HERC2: variants seen among roughly 807,000 people sequenced by gnomAD.
The protein encoded by HERC2 is HECT and RLD domain containing E3 ubiquitin protein ligase 2, also known as E3 ubiquitin-protein ligase HERC2.
Under a neutral mutation model 537.7 loss-of-function variants are expected in HERC2, and 102 were observed. The ratio of observed to expected loss-of-function variants is 0.19; its 90% CI spans 0.16 to 0.22. HERC2 has a LOEUF of 0.22. HERC2 is among the 10% of genes least tolerant of loss of function. The probability of loss-of-function intolerance (pLI) is 1.00; values close to 1 mark genes in which losing one functional copy is unlikely to be tolerated. For synonymous variants in HERC2, 2,224 were observed against 2,466.2 expected (o/e 0.90, Z 2.91); for missense variants, 4,236 against 6,198.2 (o/e 0.68, Z 10.63).
intron 37 of HERC2, among the ~76,000 whole-genome samples, chr15:28,219,039 C>T (rs1346693457): frequency 6.6e-6 from 1 of 152,220 alleles, no homozygotes; most frequent in African/African-American, 2.4e-5. Context: ...AACGTGCACC[C>T]TGATCATTTT....
intron 44 of HERC2, among the ~76,000 whole-genome samples, chr15:28,210,049 G>GC (rs1218350197): frequency 3.9e-5 from 5 of 128,588 alleles, no homozygotes; most frequent in Non-Finnish European, 7.8e-5. Context: ...TGCAACCTCC[G>GC]CCCCCCGGTT....
At chr15:28,144,636 G>C (rs372548775) in intron 72 of HERC2, 37 bp downstream of exon 72, 2 of 1,613,690 alleles carry the variant, frequency 1.2e-6, no homozygotes, top group African/African-American at 2.7e-5. Context: ...TCCACAGCCA[G>C]TCATCTAACC....
intron 86 of HERC2, among the ~76,000 whole-genome samples, chr15:28,119,246 A>C (rs12913692): frequency 0.85 from 128,927 of 151,616 alleles, 58,201 homozygotes; most frequent in Non-Finnish European, 0.99. Flanking sequence ...ATACAAAAAA[A>C]AAAATTAGCC....
chr15:28,116,804 A>G lies in HERC2; in HGVS notation c.13470T>C (p.Cys4490=). 1.9e-6 allele frequency: 3 copies of G among 1,613,776 alleles called. No individual in the cohort carries two copies. The highest frequency in any genetic ancestry group is 2.5e-6 in the Non-Finnish European group (3 of 1,179,978). The stretch of plus-strand genomic sequence containing the variant: ...GCGTGAGTCCGTTCTGCAGCTCCTC[A>G]CAGATCTCAGCTATGGACTCGCTGT... ...GGYSESIAEI[C]EELQNGLTPL... is the part of the protein sequence containing the mutation. Residue 4490 remains cysteine (C), a synonymous_variant, in exon 88 of 93, where the codon TGT becomes TGC. Coordinates refer to ENST00000261609, the MANE Select transcript of HERC2 (RefSeq NM_004667.6).
At chr15:28,229,056 C>T in intron 34 of HERC2, 139 bp downstream of exon 34, 3 of 823,976 alleles carry the variant, frequency 3.6e-6, no homozygotes, top group Non-Finnish European at 6.2e-6. Flanking sequence ...AGAAAGCTGA[C>T]AGCAGCATAG....
At chr15:28,310,801 C>T (rs375197756) in intron 2 of HERC2, among the ~76,000 whole-genome samples, 7 of 151,770 alleles carry the variant, frequency 4.6e-5, no homozygotes, top group African/African-American at 7.3e-5. Context: ...TTACTGGCCA[C>T]GCACGGTGGC....
chr15:28,257,278 CA>C lies in HERC2; in HGVS notation c.2317-18del, dbSNP rs771538346. ...AGCAAAGCTCTAAGAGGAAACGCAACAATCTAAAATGAATCTCCAAATGCAG... is the reference window on the plus strand; with the variant it reads ...AGCAAAGCTCTAAGAGGAAACGCAACATCTAAAATGAATCTCCAAATGCAG... On this transcript the variant is annotated intron_variant, in intron 16 of 92. Transcript: ENST00000261609. 3.1e-6 allele frequency: 5 copies of C among 1,609,658 alleles called. No individual in the cohort carries two copies. The East Asian group carries it at 1.1e-4, about 36-fold the overall frequency.
intron 4 of HERC2, among the ~76,000 whole-genome samples, chr15:28,290,046 T>G (rs1457820496): frequency 6.6e-6 from 1 of 152,186 alleles, no homozygotes; most frequent in African/African-American, 2.4e-5. Flanking sequence ...TTGCACAGAC[T>G]CTCCCACATC....
At chr15:28,116,525 C>T (rs1888273765) in intron 88 of HERC2, 140 bp downstream of exon 88, 1 of 945,980 alleles carries the variant, frequency 1.1e-6, no homozygotes, top group African/African-American at 1.6e-5. Context: ...CCCTAAAAGT[C>T]ATTTTTATTG....
At chr15:28,158,370 G>A (rs1020613376) in intron 69 of HERC2, among the ~76,000 whole-genome samples, 4 of 152,082 alleles carry the variant, frequency 2.6e-5, no homozygotes, top group African/African-American at 7.2e-5. Flanking sequence ...TGTGGGAGTC[G>A]AAGTCTCTTT....
At chr15:28,192,679 C>T (rs1335878489) in intron 52 of HERC2, among the ~76,000 whole-genome samples, 2 of 152,222 alleles carry the variant, frequency 1.3e-5, no homozygotes, top group East Asian at 1.9e-4. Flanking sequence ...AGACCCGAGG[C>T]GAATGGAGGT....
intron 71 of HERC2, among the ~76,000 whole-genome samples, chr15:28,145,947 T>G (rs2142279667): frequency 6.6e-6 from 1 of 152,284 alleles, no homozygotes. Context: ...AACCATGACC[T>G]TACACGAGCT....
intron 44 of HERC2, among the ~76,000 whole-genome samples, chr15:28,210,194 C>T (rs1390883540): frequency 6.6e-6 from 1 of 151,874 alleles, no homozygotes; most frequent in Non-Finnish European, 1.5e-5. Context: ...AGTGCAGTGG[C>T]GCCATCTCGG....
chr15:28,282,481 CAAAA>C (rs1366242352), intron 4 of HERC2, among the ~76,000 whole-genome samples: 2 of 150,984 alleles, frequency 1.3e-5, no homozygotes, highest in Non-Finnish European at 3.0e-5. Flanking sequence ...AAAAGGAAGA[CAAAA>C]AAAAGAAACC....
Position 28,265,943 on chromosome 15 carries a change from A to G in HERC2, c.1630T>C (p.Phe544Leu), listed in dbSNP as rs2075555309. The G allele has an allele frequency of 6.2e-7, 1 of 1,614,076 alleles. No homozygotes were observed. Residue 544 changes from phenylalanine (F) to leucine (L), a missense_variant, in exon 13 of 93, where the codon TTC becomes CTC. Transcript: ENST00000261609. This position sits in a 1 kb window ranked among gnomAD's most constrained non-coding sequence, Gnocchi z 4.0. Reference protein sequence around the residue: ...PLEEPKVISAFSGKQAGKHVV... With the variant: ...PLEEPKVISALSGKQAGKHVV... ...TGCTTCCCGGCCTGCTTTCCAGAGA[A>G]GGCGGAGATCACCTTAGGCTCCTCC... is the stretch of plus-strand genomic sequence containing the variant.
chr15:28,292,752 A>G (rs2076353391), intron 4 of HERC2, 136 bp downstream of exon 4: 7 of 908,876 alleles, frequency 7.7e-6, no homozygotes, highest in Non-Finnish European at 1.2e-5. Flanking sequence ...TGGTATGTAT[A>G]TTTTACCACA....
intron 50 of HERC2, among the ~76,000 whole-genome samples, chr15:28,197,429 A>G (rs1035832514): frequency 4.6e-5 from 7 of 152,166 alleles, no homozygotes; most frequent in African/African-American, 1.7e-4. Flanking sequence ...GCACATTTCC[A>G]TTTCTTAAAT....
At position 28,124,228 on chromosome 15, in the gene HERC2, T is replaced by C. The variant is rs1321691976; in HGVS notation, c.12997A>G (p.Met4333Val). The C allele has an allele frequency of 2.7e-6, 4 of 1,484,812 alleles. No homozygotes were observed. Among genetic ancestry groups the C allele is most frequent in the African/African-American group, 2.8e-5 (2 of 70,402 alleles). The allele number at this position is 1,484,812 out of a possible 1,614,324, so 92.0% of individuals were successfully genotyped here. A position where few individuals can be genotyped will look rare whatever the true frequency, so the allele number is the denominator to read the frequency against. The change falls in exon 85 of 93, where the codon ATG becomes GTG. Residue 4333 changes from methionine to valine, a missense_variant. Met to Val is a conservative substitution (Grantham distance 21). This residue lies in a region of HERC2 where 189 missense variants were observed against 255.7 expected (regional missense o/e 0.74). Coordinates refer to ENST00000261609, the MANE Select transcript of HERC2 (RefSeq NM_004667.6). ...SAGKLPAQVPMEYNHLQEIPI... is the reference protein window; with the variant it reads ...SAGKLPAQVPVEYNHLQEIPI... ...ATCTCCTGCAGGTGATTGTACTCCA[T>C]GGGGACCTAGAACACAGAAATGGCC... is the stretch of plus-strand genomic sequence containing the variant.
rs1566968535 is a variant in HERC2, at chr15:28,172,181, TG to T, written c.10057+2213del. On this transcript the variant is annotated intron_variant, in intron 65 of 92. Coordinates refer to ENST00000261609, the MANE Select transcript of HERC2 (RefSeq NM_004667.6). The stretch of plus-strand genomic sequence containing the variant: ...ACACTATGTTCATGGGTTAGAAGAC[TG>T]AATACTGTGAATCCATCCTTTCCAC... 2.0e-5 allele frequency among the ~76,000 whole-genome samples: 3 copies of T among 152,224 alleles called. No homozygotes were observed. The South Asian group carries it at 6.2e-4, about 32-fold the overall frequency.
Sources: allele counts gnomAD v4.1 joint callset (sites outside exome capture counted in the v4.1 genomes callset), GRCh38; gene constraint gnomAD v4.1.1; regional missense constraint gnomAD v4.1.1; non-coding constraint Gnocchi (gnomAD v3.1); transcripts MANE v1.5; gene names NCBI Gene and HGNC (gene_info 2026-07-23, HGNC 2026-07-21).